The following RFX3 variants were observed in gnomAD, a reference collection of about 807,000 sequenced individuals.
RFX3 encodes regulatory factor X3, also known as transcription factor RFX3.
Under a neutral mutation model 98.6 loss-of-function variants are expected in RFX3, and 14 were observed. That is an observed-to-expected ratio of 0.14 (90% CI 0.09 to 0.22). The LOEUF is 0.22. Among genes scored for constraint, RFX3 ranks in the 10% least tolerant of loss-of-function variants. The pLI, the probability that RFX3 is intolerant of heterozygous loss-of-function variation, is 1.00. For missense variants in RFX3, 639 were observed against 926.9 expected (o/e 0.69, Z 4.03); for synonymous variants, 383 against 328.4 (o/e 1.17, Z -1.80).
chr9:3,521,375 T>C (rs988090042), intron 1 of RFX3, among the ~76,000 whole-genome samples: 2 of 152,172 alleles, frequency 1.3e-5, no homozygotes, highest in African/African-American at 2.4e-5. Flanking sequence ...ATTAAGATAG[T>C]ATGTTAAACT....
At chr9:3,496,322 C>T (rs185931757) in intron 1 of RFX3, among the ~76,000 whole-genome samples, 1 of 151,974 alleles carries the variant, frequency 6.6e-6, no homozygotes, top group Non-Finnish European at 1.5e-5. Context: ...CTTTAATGAT[C>T]CTGCCCCAAG....
chr9:3,317,419 GAA>G (rs1218381957), intron 4 of RFX3, among the ~76,000 whole-genome samples: 5 of 152,160 alleles, frequency 3.3e-5, no homozygotes, highest in African/African-American at 1.2e-4. Flanking sequence ...AAAAGCCCTA[GAA>G]GAAAACCTAG....
intron 5 of RFX3, among the ~76,000 whole-genome samples, chr9:3,295,387 T>A (rs1827868408): frequency 6.6e-6 from 1 of 152,072 alleles, no homozygotes; most frequent in African/African-American, 2.4e-5. Flanking sequence ...TGTACAACAG[T>A]GCTGGTTCTT....
At chr9:3,273,182 A>G (rs2131367899) in intron 9 of RFX3, among the ~76,000 whole-genome samples, 2 of 152,332 alleles carry the variant, frequency 1.3e-5, no homozygotes, top group African/African-American at 4.8e-5. Flanking sequence ...GGGACTAAAT[A>G]TGAGATTCAG....
At chr9:3,479,260 C>G (rs1275616607) in intron 1 of RFX3, among the ~76,000 whole-genome samples, 1 of 152,084 alleles carries the variant, frequency 6.6e-6, no homozygotes, top group Non-Finnish European at 1.5e-5. Flanking sequence ...TTATTTTACC[C>G]ATATTTTTGT....
rs951402245 is a variant in RFX3 at position 3,330,392 on chromosome 9, C to A, written c.341G>T (p.Gly114Val). The A allele has an allele frequency of 6.2e-7, 1 of 1,614,018 alleles. No homozygotes were observed. The highest frequency in any genetic ancestry group is 1.3e-5 in the African/African-American group (1 of 74,910). ...TTVVSSHSMVGTGGIQMGVTG... is the reference protein window; with the variant it reads ...TTVVSSHSMVVTGGIQMGVTG... ...GACGCCCATCTGAATCCCACCAGTG[C>A]CCACCATACTGTGGGATGAGACCAC... The change falls in exon 4 of 17, where the codon GGC becomes GTC. Residue 114 changes from glycine to valine, a missense_variant. This residue lies in a region of RFX3 where 210 missense variants were observed against 197.7 expected (regional missense o/e 1.06). Transcript: ENST00000617270.
intron 13 of RFX3, among the ~76,000 whole-genome samples, chr9:3,258,642 A>G (rs537039246): frequency 1.3e-5 from 2 of 152,048 alleles, no homozygotes; most frequent in South Asian, 2.1e-4. Flanking sequence ...TTTTAAGTAT[A>G]CTAAAATATC....
chr9:3,318,701 T>G (rs1219199861), intron 4 of RFX3, among the ~76,000 whole-genome samples: 1 of 152,162 alleles, frequency 6.6e-6, no homozygotes, highest in East Asian at 1.9e-4. Flanking sequence ...GATAATTTTA[T>G]GACGTCTAGA....
At chr9:3,300,179 G>A (rs1018416113) in intron 5 of RFX3, among the ~76,000 whole-genome samples, 2 of 151,434 alleles carry the variant, frequency 1.3e-5, no homozygotes, top group African/African-American at 4.8e-5. Context: ...AACATAGCAG[G>A]AATATACTTA....
chr9:3,411,498 C>T (rs991108056), intron 1 of RFX3, among the ~76,000 whole-genome samples: 4 of 151,814 alleles, frequency 2.6e-5, no homozygotes, highest in East Asian at 1.9e-4. Flanking sequence ...TACAGGCACC[C>T]GCCACCAGAC....
chr9:3,280,870 A>G (rs566592854), intron 7 of RFX3, among the ~76,000 whole-genome samples: 62 of 151,840 alleles, frequency 4.1e-4, no homozygotes, highest in African/African-American at 1.4e-3. Flanking sequence ...CTTCAGCCCA[A>G]TGTTGTAGAA....
chr9:3,388,522 G>A (rs12347714), intron 2 of RFX3, among the ~76,000 whole-genome samples: 2,216 of 152,136 alleles, frequency 0.015, 75 homozygotes, highest in African/African-American at 0.05. Context: ...TAGCCAACTA[G>A]CTATTCTATT....
chr9:3,466,843 C>A (rs1848265302), intron 1 of RFX3, among the ~76,000 whole-genome samples: 1 of 151,520 alleles, frequency 6.6e-6, no homozygotes, highest in South Asian at 2.1e-4. Context: ...ACAGAATAAT[C>A]CAGTTTACTA....
chr9:3,460,043 G>A (rs920819513), intron 1 of RFX3, among the ~76,000 whole-genome samples: 1 of 151,928 alleles, frequency 6.6e-6, no homozygotes, highest in Non-Finnish European at 1.5e-5. Flanking sequence ...TATAACAAAT[G>A]TTCAACTTCA....
intron 1 of RFX3, among the ~76,000 whole-genome samples, chr9:3,521,879 G>A (rs1192217516): frequency 6.6e-6 from 1 of 151,974 alleles, no homozygotes; most frequent in East Asian, 1.9e-4. Context: ...TGTGTAAAAT[G>A]TTCCTGTGTA....
At chr9:3,498,222 G>A (rs1010836693) in intron 1 of RFX3, among the ~76,000 whole-genome samples, 3 of 151,946 alleles carry the variant, frequency 2.0e-5, no homozygotes, top group African/African-American at 7.2e-5. Flanking sequence ...GAATATCACC[G>A]ATACTTTTAC....
Position 3,220,492 on chromosome 9 carries a change from A to G in RFX3, c.*4550T>C, listed in dbSNP as rs1271503102. ...TAGAGACTATGGTGTGATACTAGAA[A>G]AGTTGATTTTTTTTTTCTGTAAACA... is the stretch of plus-strand genomic sequence containing the variant. On this transcript the variant is annotated 3_prime_UTR_variant, in exon 17 of 17. Coordinates refer to ENST00000617270, the MANE Select transcript of RFX3 (RefSeq NM_001282116.2). 6.6e-6 allele frequency: 1 copy of G among 152,138 alleles called. No homozygotes were observed. The highest frequency in any genetic ancestry group is 1.5e-5 in the Non-Finnish European group (1 of 68,026). The allele number at this position is 152,138 out of a possible 1,614,324, so 9.4% of individuals were successfully genotyped here. A position where few individuals can be genotyped will look rare whatever the true frequency, so the allele number is the denominator to read the frequency against.
intron 1 of RFX3, among the ~76,000 whole-genome samples, chr9:3,442,834 T>G (rs1845719860): frequency 1.3e-5 from 2 of 152,116 alleles, no homozygotes; most frequent in Non-Finnish European, 2.9e-5. Flanking sequence ...TTGGCAAAAT[T>G]TATTAGTTAT....
chr9:3,490,908 T>C (rs1018539514), intron 1 of RFX3, among the ~76,000 whole-genome samples: 1 of 152,130 alleles, frequency 6.6e-6, no homozygotes, highest in Non-Finnish European at 1.5e-5. Context: ...AAAGTAAATG[T>C]GGAGTAGCAA....
Sources: allele counts gnomAD v4.1 joint callset (sites outside exome capture counted in the v4.1 genomes callset), GRCh38; gene constraint gnomAD v4.1.1; regional missense constraint gnomAD v4.1.1; transcripts MANE v1.5; gene names NCBI Gene and HGNC (gene_info 2026-07-23, HGNC 2026-07-21).